The following ARRB1 variants were observed in gnomAD, a reference collection of about 807,000 sequenced individuals.
ARRB1 encodes beta-arrestin-1.
Under a neutral mutation model 56.8 loss-of-function variants are expected in ARRB1, and 21 were observed. That is an observed-to-expected ratio of 0.37 (90% confidence interval 0.26 to 0.53). ARRB1 has a LOEUF of 0.53. Ranked by LOEUF, ARRB1 falls within the 20% of genes least tolerant of loss-of-function variation. ARRB1 has a pLI of 0.88. For synonymous variants in ARRB1, 210 were observed against 218.6 expected, an observed-to-expected ratio of 0.96 and a Z score of 0.35; for missense variants, 424 against 553.7, an observed-to-expected ratio of 0.77 and a Z score of 2.35.
chr11:75,324,417 G>A (rs901679100), intron 1 of ARRB1, among the ~76,000 whole-genome samples: 4 of 152,140 alleles, frequency 2.6e-5, no homozygotes, highest in African/African-American at 7.2e-5. Flanking sequence ...CACAGCAGCC[G>A]CCCTCGTCAG....
chr11:75,340,792 A>C (rs1212748593), intron 1 of ARRB1, among the ~76,000 whole-genome samples: 2 of 152,160 alleles, frequency 1.3e-5, no homozygotes, highest in Non-Finnish European at 2.9e-5. Flanking sequence ...GCCTGGGGCC[A>C]GGATGCCAAG....
At chr11:75,339,468 T>C (rs564208948) in intron 1 of ARRB1, among the ~76,000 whole-genome samples, 1 of 152,332 alleles carries the variant, frequency 6.6e-6, no homozygotes, top group South Asian at 2.1e-4. Context: ...TGCCTGACAC[T>C]ATGCCGGCAC....
intron 1 of ARRB1, among the ~76,000 whole-genome samples, chr11:75,292,717 G>T (rs534562217): frequency 6.6e-6 from 1 of 152,318 alleles, no homozygotes; most frequent in East Asian, 1.9e-4. Context: ...CCATTCCAGG[G>T]ACTGCTGGAA....
intron 8 of ARRB1, among the ~76,000 whole-genome samples, chr11:75,277,655 C>T (rs553766229): frequency 1.3e-5 from 2 of 152,314 alleles, no homozygotes; most frequent in Admixed American, 6.5e-5. Context: ...GAGGCTTCTC[C>T]GAATCCCCCA....
At chr11:75,324,929 G>A (rs80209113) in intron 1 of ARRB1, among the ~76,000 whole-genome samples, 2,863 of 151,488 alleles carry the variant, frequency 0.019, 76 homozygotes, top group African/African-American at 0.066. Context: ...AGCACATGGG[G>A]ACCCAGGGCT....
chr11:75,267,113 T>G (rs1218926228), intron 15 of ARRB1, among the ~76,000 whole-genome samples: 1 of 152,158 alleles, frequency 6.6e-6, no homozygotes, highest in Admixed American at 6.5e-5. Flanking sequence ...AAGGGAAGAT[T>G]GGCTTTGGAG....
chr11:75,333,508 G>A (rs1294501580), intron 1 of ARRB1, among the ~76,000 whole-genome samples: 1 of 152,222 alleles, frequency 6.6e-6, no homozygotes, highest in Admixed American at 6.5e-5. Context: ...GACAAACGGG[G>A]AAGTGTAAAA....
intron 6 of ARRB1, chr11:75,281,578 C>T: frequency 2.9e-6 from 1 of 339,256 alleles, no homozygotes. Flanking sequence ...GGGCTCAAAG[C>T]TCTGGAGCTA....
At chr11:75,296,893 G>A (rs1946762838) in intron 1 of ARRB1, among the ~76,000 whole-genome samples, 1 of 152,222 alleles carries the variant, frequency 6.6e-6, no homozygotes. Flanking sequence ...GTCCAGGGTG[G>A]TCTCGAACTT....
intron 1 of ARRB1, among the ~76,000 whole-genome samples, chr11:75,332,508 T>C (rs1432953397): frequency 6.6e-6 from 1 of 152,226 alleles, no homozygotes; most frequent in Non-Finnish European, 1.5e-5. Context: ...AACTTTCGTC[T>C]CCACAATCTT....
Position 75,277,416 on chromosome 11 carries a change from G to A in ARRB1, c.651C>T (p.Asn217=), listed in dbSNP as rs776138541. 3.0e-5 allele frequency: 48 copies of A among 1,614,172 alleles called. No individual in the cohort carries two copies. The Middle Eastern group carries it at 4.9e-4, about 17-fold the overall frequency. ...TGTTGGTGTTGTTGGTGACGTGGACGTTGACGCTGATGGGTTCTCCATGGT... is the reference window on the plus strand; with the variant it reads ...TGTTGGTGTTGTTGGTGACGTGGACATTGACGCTGATGGGTTCTCCATGGT... ...IYYHGEPISV[N]VHVTNNTNKT... Residue 217 remains asparagine (N), a synonymous_variant, in exon 9 of 16, where the codon AAC becomes AAT. Transcript: ENST00000420843.
rs908406057 is a variant in ARRB1, at chr11:75,287,327, C to A, written c.100G>T (p.Val34Leu). ...KRDFVDHIDL[V>L]DPVDGVVLVD... ...TCCAGGGACTCACCCACAGGGTCCA[C>A]GAGGTCGATGTGGTCCACAAAGTCC... Residue 34 changes from valine to leucine, a missense_variant, in exon 3 of 16, where the codon GTG (valine) becomes TTG (leucine). By Grantham distance (32) the Val-to-Leu change is conservative. This residue lies in a region of ARRB1 where 301 missense variants were observed against 387.9 expected (regional missense o/e 0.78). Coordinates refer to ENST00000420843, the MANE Select transcript of ARRB1 (RefSeq NM_004041.5). 1 of 1,557,070 alleles carries A rather than the reference C, an allele frequency of 6.4e-7. No homozygotes were observed. The highest frequency in any genetic ancestry group is 8.7e-7 in the Non-Finnish European group (1 of 1,149,922).
intron 1 of ARRB1, among the ~76,000 whole-genome samples, chr11:75,331,794 A>C (rs1404549842): frequency 1.3e-5 from 2 of 151,384 alleles, no homozygotes; most frequent in African/African-American, 4.9e-5. Context: ...ACTCGAGTGA[A>C]ACTCATCAGT....
chr11:75,277,060 C>T, intron 9 of ARRB1, 149 bp from the exon 10 acceptor site: 1 of 744,014 alleles, frequency 1.3e-6, no homozygotes, highest in Non-Finnish European at 2.3e-6. Flanking sequence ...CCCTGTCTTA[C>T]ATCCAAAGGG....
At chr11:75,290,381 T>C (rs1405268073) in intron 1 of ARRB1, among the ~76,000 whole-genome samples, 1 of 152,100 alleles carries the variant, frequency 6.6e-6, no homozygotes, top group Admixed American at 6.5e-5. Context: ...CACCTCCCGG[T>C]GTCACCTCCT....
At chr11:75,324,406 C>G (rs1267727071) in intron 1 of ARRB1, among the ~76,000 whole-genome samples, 1 of 152,182 alleles carries the variant, frequency 6.6e-6, no homozygotes, top group Non-Finnish European at 1.5e-5. Context: ...TCCTCTGAGT[C>G]CACAGCAGCC....
At position 75,298,684 on chromosome 11, in the gene ARRB1, G is replaced by T. The variant is rs535082279; in HGVS notation, c.21-8645C>A. Among the ~76,000 whole-genome samples, 3 of 151,902 alleles carry T rather than the reference G, an allele frequency of 2.0e-5. No homozygotes were observed. The South Asian group carries it at 6.2e-4, about 32-fold the overall frequency. On this transcript the variant is annotated intron_variant, in intron 1 of 15. Transcript: ENST00000420843. ...TATGACCCAGTAAGTCCCCTCCTGGGTATACACCCAAAGTAACTGAAAATG... is the reference window on the plus strand; with the variant it reads ...TATGACCCAGTAAGTCCCCTCCTGGTTATACACCCAAAGTAACTGAAAATG...
intron 1 of ARRB1, among the ~76,000 whole-genome samples, chr11:75,338,532 AG>A (rs1947646724): frequency 6.6e-6 from 1 of 152,216 alleles, no homozygotes; most frequent in Admixed American, 6.5e-5. Context: ...CTCAGTGTAC[AG>A]AAACTCAGGT....
intron 1 of ARRB1, among the ~76,000 whole-genome samples, chr11:75,309,770 A>C (rs964606641): frequency 6.6e-6 from 1 of 152,186 alleles, no homozygotes; most frequent in Non-Finnish European, 1.5e-5. Flanking sequence ...ATGCATTTCC[A>C]TTACTTCCAA....
Sources: gnomAD v4.1 joint callset for allele counts (sites outside exome capture counted in the v4.1 genomes callset) on GRCh38, gnomAD v4.1.1 for gene constraint, gnomAD v4.1.1 regional missense constraint, MANE v1.5 for transcripts, NCBI Gene and HGNC (gene_info 2026-07-23, HGNC 2026-07-21) for gene names.